RNF214: variants seen among roughly 807,000 people sequenced by gnomAD.
The protein encoded by RNF214 is ring finger protein 214.
A neutral mutation model predicts 75.9 loss-of-function variants in RNF214; 25 were observed. The observed-to-expected ratio is 0.33, with a 90% confidence interval of 0.24 to 0.46. The LOEUF (loss-of-function observed/expected upper bound fraction) is 0.46. Among genes scored for constraint, RNF214 ranks in the 20% least tolerant of loss-of-function variants. The pLI, the probability that RNF214 is intolerant of heterozygous loss-of-function variation, is 1.00. For missense variants in RNF214, 725 were observed against 857.5 expected (o/e 0.85, Z 1.93); for synonymous variants, 314 against 308.8 (o/e 1.02, Z -0.18).
chr11:117,258,885 C>T (rs896393014), intron 6 of RNF214, among the ~76,000 whole-genome samples: 1 of 152,156 alleles, frequency 6.6e-6, no homozygotes, highest in Non-Finnish European at 1.5e-5. Flanking sequence ...TCTTTTGTAT[C>T]AGAATTATTT....
At chr11:117,244,320 A>G (rs969640217) in intron 4 of RNF214, 125 bp from the exon 5 acceptor site, 1 of 688,380 alleles carries the variant, frequency 1.5e-6, no homozygotes, top group Non-Finnish European at 2.5e-6. Flanking sequence ...ACATATGGCT[A>G]GTAGAGTAGC....
intron 6 of RNF214, among the ~76,000 whole-genome samples, chr11:117,273,927 T>C (rs1296770693): frequency 6.6e-6 from 1 of 152,162 alleles, no homozygotes; most frequent in Non-Finnish European, 1.5e-5. Flanking sequence ...TGAAAGAATA[T>C]CTTAAAGGGA....
intron 6 of RNF214, among the ~76,000 whole-genome samples, chr11:117,279,559 A>G (rs1218415083): frequency 1.3e-5 from 2 of 150,576 alleles, no homozygotes; most frequent in African/African-American, 4.9e-5. Flanking sequence ...CTGGTCTCAA[A>G]CTCCTGATTT....
At chr11:117,244,913 G>A (rs1173354821) in intron 5 of RNF214, among the ~76,000 whole-genome samples, 2 of 151,488 alleles carry the variant, frequency 1.3e-5, no homozygotes, top group East Asian at 3.9e-4. Context: ...AAATCCACCC[G>A]CCTTGGCCTC....
chr11:117,266,384 G>A (rs535094190), intron 6 of RNF214, among the ~76,000 whole-genome samples: 55 of 152,052 alleles, frequency 3.6e-4, no homozygotes, highest in Admixed American at 5.9e-4. Context: ...ATTTGAGACA[G>A]GGTCTCACTC....
At position 117,279,927 on chromosome 11, in the gene RNF214, C is replaced by T. The variant is rs758643005; in HGVS notation, c.979C>T (p.Leu327=). ...KGRREVWEME[L]DRLKNQDGEI... is the part of the protein sequence containing the mutation. Reference sequence around the variant, plus strand: ...TTACAGAGAGGTGTGGGAAATGGAACTGGATAGACTCAAGAATCAGGATGG... The same window carrying T: ...TTACAGAGAGGTGTGGGAAATGGAATTGGATAGACTCAAGAATCAGGATGG... Residue 327 remains leucine (L), a synonymous_variant, in exon 7 of 15, where the codon CTG becomes TTG. Coordinates refer to ENST00000300650, the MANE Select transcript of RNF214 (RefSeq NM_207343.4). 5 of 1,612,046 alleles carry T rather than the reference C, an allele frequency of 3.1e-6. No homozygotes were observed. In the South Asian group the frequency reaches 5.5e-5, roughly 18 times the overall value.
At chr11:117,283,233 A>T (rs2034165850) in intron 14 of RNF214, 23 bp downstream of exon 14, 2 of 1,462,438 alleles carry the variant, frequency 1.4e-6, no homozygotes, top group Non-Finnish European at 1.9e-6. Context: ...GACCTTCCTC[A>T]TTTTCTACAC....
chr11:117,249,199 A>G (rs2033307545), intron 6 of RNF214, among the ~76,000 whole-genome samples: 2 of 152,212 alleles, frequency 1.3e-5, no homozygotes, highest in Admixed American at 1.3e-4. Flanking sequence ...TGCTGGGATT[A>G]CAGGTGTGAG....
chr11:117,245,633 C>T (rs2033201309), intron 5 of RNF214, among the ~76,000 whole-genome samples: 2 of 152,016 alleles, frequency 1.3e-5, no homozygotes, highest in South Asian at 2.1e-4. Flanking sequence ...TGAGCCACTG[C>T]GCCAGACCAC....
chr11:117,269,258 TAAAA>T (rs1322055094), intron 6 of RNF214, among the ~76,000 whole-genome samples: 3 of 151,574 alleles, frequency 2.0e-5, no homozygotes, highest in East Asian at 3.9e-4. Context: ...AAATGAAAAA[TAAAA>T]AAAAGAATGA....
chr11:117,245,338 A>G (rs1180478135), intron 5 of RNF214, among the ~76,000 whole-genome samples: 2 of 149,764 alleles, frequency 1.3e-5, no homozygotes, highest in African/African-American at 4.9e-5. Flanking sequence ...ATTAATACTC[A>G]TAGACTTTTT....
In RNF214 at chr11:117,282,766, C is replaced by T; in HGVS notation, c.1866C>T (p.Ala622=). The T allele has an allele frequency of 3.7e-6, 6 of 1,614,184 alleles. No homozygotes were observed. Among genetic ancestry groups the T allele is most frequent in the Non-Finnish European group, 4.2e-6 (5 of 1,180,008 alleles). The part of the protein sequence containing the change: ...ASTQPLGRIR[A]LFPAPLAQIS... ...TACAGCCACTTGGTCGCATCCGGGCCTTGTTCCCTGCTCCACTGGCCCAAA... is the reference window on the plus strand; with the variant it reads ...TACAGCCACTTGGTCGCATCCGGGCTTTGTTCCCTGCTCCACTGGCCCAAA... Residue 622 remains alanine, a synonymous_variant, in exon 13 of 15, where the codon GCC becomes GCT. Transcript: ENST00000300650.
chr11:117,266,690 A>G (rs552537466), intron 6 of RNF214, among the ~76,000 whole-genome samples: 8 of 152,142 alleles, frequency 5.3e-5, no homozygotes, highest in African/African-American at 1.9e-4. Context: ...CATAATTTTC[A>G]AATATTTTTT....
At chr11:117,283,909 A>C (rs551140716) in intron 14 of RNF214, among the ~76,000 whole-genome samples, 1 of 152,124 alleles carries the variant, frequency 6.6e-6, no homozygotes, top group African/African-American at 2.4e-5. Flanking sequence ...CTCCTGCCTC[A>C]GCCTCCCAAA....
chr11:117,263,915 C>A, intron 6 of RNF214: 1 of 246,918 alleles, frequency 4.0e-6, no homozygotes, highest in South Asian at 4.4e-5. Context: ...GGAGGACTGT[C>A]TTTAGAATAG....
At chr11:117,251,687 C>T (rs527486240) in intron 6 of RNF214, among the ~76,000 whole-genome samples, 1 of 151,850 alleles carries the variant, frequency 6.6e-6, no homozygotes, top group Non-Finnish European at 1.5e-5. Context: ...AAGACACTGC[C>T]GGCAGGGGGC....
chr11:117,268,455 CG>C (rs772460182), intron 6 of RNF214, among the ~76,000 whole-genome samples: 1 of 152,026 alleles, frequency 6.6e-6, no homozygotes, highest in Admixed American at 6.6e-5. Flanking sequence ...AGATTGGGGT[CG>C]GGGGGAGTCT....
rs1186554404 is a variant in RNF214 at position 117,244,527 on chromosome 11, T to C, written c.761T>C (p.Leu254Pro). Residue 254 changes from leucine (L) to proline (P), a missense_variant, in exon 5 of 15, where the codon CTC becomes CCC. Leu to Pro is a moderately conservative substitution (Grantham distance 98). Coordinates refer to ENST00000300650, the MANE Select transcript of RNF214 (RefSeq NM_207343.4). ...LDKQRQVENQ[L>P]QVQLKQLQQR... Reference sequence around the variant, plus strand: ...AAACAGAGGCAAGTGGAGAATCAGCTCCAAGTGCAATTAAAGCAGCTTCAG... The same window carrying C: ...AAACAGAGGCAAGTGGAGAATCAGCCCCAAGTGCAATTAAAGCAGCTTCAG... 5 of 1,612,700 alleles carry C rather than the reference T, an allele frequency of 3.1e-6. No individual in the cohort carries two copies. Among genetic ancestry groups the C allele is most frequent in the Non-Finnish European group, 4.2e-6 (5 of 1,179,492 alleles).
intron 6 of RNF214, among the ~76,000 whole-genome samples, chr11:117,279,603 C>A (rs1465995265): frequency 6.6e-6 from 1 of 152,144 alleles, no homozygotes; most frequent in African/African-American, 2.4e-5. Flanking sequence ...TTCCAAAGTG[C>A]TGGGATTACA....
Sources: allele counts gnomAD v4.1 joint callset (sites outside exome capture counted in the v4.1 genomes callset), GRCh38; gene constraint gnomAD v4.1.1; transcripts MANE v1.5; gene names NCBI Gene and HGNC (gene_info 2026-07-23, HGNC 2026-07-21).